EYS: variants seen among roughly 807,000 people sequenced by gnomAD.
EYS encodes protein eyes shut homolog.
A neutral mutation model predicts 282.1 loss-of-function variants in EYS; 250 were observed. That is an observed-to-expected ratio of 0.89 (90% CI 0.80 to 0.98). The LOEUF (loss-of-function observed/expected upper bound fraction) is 0.98. EYS is among the 50% of genes least tolerant of loss of function. EYS has a pLI of 0.00. For synonymous variants in EYS, 1,355 were observed against 1,282.9 expected, an observed-to-expected ratio of 1.06 and a Z score of -1.20; for missense variants, 4,016 against 3,709.0, an observed-to-expected ratio of 1.08 and a Z score of -2.15.
intron 28 of EYS, 99 bp from the exon 29 acceptor site, chr6:64,388,939 T>A (rs1773006284): frequency 1.7e-5 from 14 of 819,502 alleles, no homozygotes; most frequent in Non-Finnish European, 2.4e-5. Context: ...TTTAAGTAAA[T>A]AGATTATTTC....
chr6:64,830,931 C>T (rs1024860205), intron 19 of EYS, among the ~76,000 whole-genome samples: 10 of 151,986 alleles, frequency 6.6e-5, no homozygotes, highest in Non-Finnish European at 1.5e-4. Flanking sequence ...GTCTGCCTTG[C>T]CCAAGTTTGG....
At chr6:64,273,052 CA>C (rs1339877411) in intron 30 of EYS, among the ~76,000 whole-genome samples, 1 of 152,062 alleles carries the variant, frequency 6.6e-6, no homozygotes, top group Non-Finnish European at 1.5e-5. Flanking sequence ...AGCAAATCTA[CA>C]AAACTTCCAT....
chr6:64,681,466 T>G (rs902768587), intron 22 of EYS, among the ~76,000 whole-genome samples: 1 of 152,068 alleles, frequency 6.6e-6, no homozygotes, highest in South Asian at 2.1e-4. Context: ...GAAACAGCTG[T>G]TTGATGTAGC....
rs561423647 is a variant in EYS at position 64,391,170 on chromosome 6, G to A, written c.5928-2330C>T. 9.4e-3 allele frequency among the ~76,000 whole-genome samples: 1,426 copies of A among 152,144 alleles called. 26 individuals carry two copies. Among genetic ancestry groups the A allele is most frequent in the African/African-American group, 0.033 (1,375 of 41,484 alleles). ...CTGATTGGTGTACCTGAAAGTGATG[G>A]GGAGAATGGAACCAAGTTGGAAAAC... On this transcript the variant is annotated intron_variant, in intron 28 of 42. Coordinates refer to ENST00000503581, the MANE Select transcript of EYS (RefSeq NM_001142800.2).
chr6:65,445,060 G>A (rs1298405495), intron 5 of EYS, among the ~76,000 whole-genome samples: 5 of 151,274 alleles, frequency 3.3e-5, no homozygotes, highest in African/African-American at 1.2e-4. Context: ...ACAAATGAAA[G>A]TGAATTTAAT....
At chr6:64,346,754 G>A (rs1222918921) in intron 29 of EYS, among the ~76,000 whole-genome samples, 1 of 151,246 alleles carries the variant, frequency 6.6e-6, no homozygotes, top group Non-Finnish European at 1.5e-5. Flanking sequence ...GTCAATAGAT[G>A]TGGGTAGTAA....
At chr6:64,517,802 A>G (rs1562037506) in intron 26 of EYS, among the ~76,000 whole-genome samples, 1 of 151,922 alleles carries the variant, frequency 6.6e-6, no homozygotes, top group Non-Finnish European at 1.5e-5. Flanking sequence ...GTACATGTAC[A>G]CATTATTGGA....
chr6:63,762,057 C>T (rs1769656378), intron 41 of EYS, among the ~76,000 whole-genome samples: 1 of 151,958 alleles, frequency 6.6e-6, no homozygotes, highest in Admixed American at 6.6e-5. Context: ...TCTAATTTCC[C>T]TCTGAAGCTG....
At chr6:65,611,536 T>G (rs1766002483) in intron 2 of EYS, among the ~76,000 whole-genome samples, 1 of 152,000 alleles carries the variant, frequency 6.6e-6, no homozygotes, top group Non-Finnish European at 1.5e-5. Flanking sequence ...AGAAAAAGAC[T>G]GAAAAGATTT....
chr6:64,091,216 C>G (rs1772346365), intron 31 of EYS, among the ~76,000 whole-genome samples: 1 of 152,126 alleles, frequency 6.6e-6, no homozygotes, highest in Non-Finnish European at 1.5e-5. Context: ...TAAATCATTT[C>G]AGTAATTTTA....
chr6:64,628,240 A>G (rs1489123962), intron 22 of EYS, among the ~76,000 whole-genome samples: 2 of 98,286 alleles, frequency 2.0e-5, no homozygotes, highest in East Asian at 5.5e-4. Flanking sequence ...AGAAACCCAT[A>G]GCAGTGTTTT....
chr6:65,036,966 C>A (rs549674261), intron 13 of EYS, among the ~76,000 whole-genome samples: 5 of 151,834 alleles, frequency 3.3e-5, no homozygotes, highest in Non-Finnish European at 7.4e-5. Flanking sequence ...TGGGTATATA[C>A]CCAAAGGAAT....
intron 5 of EYS, among the ~76,000 whole-genome samples, chr6:65,472,861 T>A (rs1259156980): frequency 6.6e-6 from 1 of 151,154 alleles, no homozygotes; most frequent in Non-Finnish European, 1.5e-5. Context: ...TTAAGATTTA[T>A]TTTTTTTTAA....
At chr6:65,578,646 A>C (rs1007925060) in intron 2 of EYS, among the ~76,000 whole-genome samples, 2 of 151,982 alleles carry the variant, frequency 1.3e-5, no homozygotes, top group African/African-American at 4.8e-5. Context: ...GCATAGGTAA[A>C]ATAGCTTGGT....
At chr6:64,476,320 G>C (rs1302726103) in intron 26 of EYS, among the ~76,000 whole-genome samples, 1 of 152,078 alleles carries the variant, frequency 6.6e-6, no homozygotes, top group Non-Finnish European at 1.5e-5. Flanking sequence ...CTGAAGGTCT[G>C]CTACATTAAC....
intron 22 of EYS, among the ~76,000 whole-genome samples, chr6:64,688,716 G>A (rs1023512858): frequency 2.0e-5 from 3 of 152,188 alleles, no homozygotes; most frequent in African/African-American, 7.2e-5. Context: ...TTGGGGTGGA[G>A]AGTTCTGGAG....
At chr6:64,808,714 A>G (rs1042283617) in intron 22 of EYS, among the ~76,000 whole-genome samples, 1 of 152,080 alleles carries the variant, frequency 6.6e-6, no homozygotes, top group South Asian at 2.1e-4. Flanking sequence ...TTGCCAGAAA[A>G]CAAAGAATCT....
intron 5 of EYS, among the ~76,000 whole-genome samples, chr6:65,484,933 C>T (rs935323775): frequency 6.6e-6 from 1 of 152,092 alleles, no homozygotes; most frequent in Admixed American, 6.6e-5. Flanking sequence ...TTTCATGCTG[C>T]AATAGCAGAG....
At chr6:63,890,836 G>A (rs1379366816) in intron 35 of EYS, among the ~76,000 whole-genome samples, 1 of 152,012 alleles carries the variant, frequency 6.6e-6, no homozygotes, top group South Asian at 2.1e-4. Flanking sequence ...TAACAAAATA[G>A]AACACAAGCC....
Sources: gnomAD v4.1 joint callset for allele counts (sites outside exome capture counted in the v4.1 genomes callset) on GRCh38, gnomAD v4.1.1 for gene constraint, MANE v1.5 for transcripts, NCBI Gene and HGNC (gene_info 2026-07-23, HGNC 2026-07-21) for gene names.